TMEM178A: variants seen among roughly 807,000 people sequenced by gnomAD.
The protein encoded by TMEM178A is transmembrane protein 178.
A neutral mutation model predicts 29.1 loss-of-function variants in TMEM178A; 12 were observed. The observed-to-expected ratio is 0.41, with a 90% CI of 0.26 to 0.67. TMEM178A has a LOEUF of 0.67. TMEM178A is among the 30% of genes least tolerant of loss of function. The pLI is 0.29. For synonymous variants in TMEM178A, 210 were observed against 187.2 expected (o/e 1.12, Z -0.99); for missense variants, 366 against 419.1 (o/e 0.87, Z 1.11).
At chr2:39,671,960 G>A (rs1670426016) in intron 1 of TMEM178A, among the ~76,000 whole-genome samples, 1 of 152,142 alleles carries the variant, frequency 6.6e-6, no homozygotes, top group Admixed American at 6.5e-5. Context: ...TTTTATTTCT[G>A]TACCAATTCT....
chr2:39,718,776 G>A (rs1209953422), downstream of TMEM178A, among the ~76,000 whole-genome samples: 1 of 152,000 alleles, frequency 6.6e-6, no homozygotes, highest in Admixed American at 6.6e-5. Flanking sequence ...CGGAGGGTGG[G>A]GCACTCGCCG....
the TMEM178A span, among the ~76,000 whole-genome samples, chr2:39,734,335 C>G: frequency 3.9e-5 from 6 of 152,216 alleles, no homozygotes; most frequent in Admixed American, 6.5e-5. Flanking sequence ...GTCTTCCAGG[C>G]AACCACACTA....
chr2:39,704,109 G>A lies in TMEM178A; in HGVS notation c.429G>A (p.Lys143=), dbSNP rs1671921767. ...KGIAQRCTAI[K]YHFSQPIRLR... Reference sequence around the variant, plus strand: ...TTGCGCAGCGATGCACGGCCATCAAGTACCACTTTTCTCAGCCCATCCGCT... The same window carrying A: ...TTGCGCAGCGATGCACGGCCATCAAATACCACTTTTCTCAGCCCATCCGCT... The change falls in exon 2 of 4, where the codon AAG becomes AAA. Residue 143 remains lysine, a synonymous_variant. Coordinates refer to ENST00000281961, the MANE Select transcript of TMEM178A (RefSeq NM_152390.3). 1 of 1,614,100 alleles carries A rather than the reference G, an allele frequency of 6.2e-7. No individual in the cohort carries two copies. Among genetic ancestry groups the A allele is most frequent in the African/African-American group, 1.3e-5 (1 of 75,022 alleles).
chr2:39,704,260 CT>C (rs1275314625), intron 2 of TMEM178A, 66 bp downstream of exon 2: 2 of 1,322,498 alleles, frequency 1.5e-6, no homozygotes, highest in African/African-American at 2.9e-5. Flanking sequence ...CCCACCACCC[CT>C]CTCACATCTG....
chr2:39,676,986 T>C (rs1339082433), intron 1 of TMEM178A, among the ~76,000 whole-genome samples: 1 of 152,240 alleles, frequency 6.6e-6, no homozygotes, highest in Non-Finnish European at 1.5e-5. Context: ...GGAGGCTTAT[T>C]TATAATTGCA....
intron 1 of TMEM178A, among the ~76,000 whole-genome samples, chr2:39,678,236 C>T: frequency 6.6e-6 from 1 of 151,826 alleles, no homozygotes; most frequent in East Asian, 1.9e-4. Flanking sequence ...AGGTATATAC[C>T]CCCAAAAGTT....
intron 1 of TMEM178A, among the ~76,000 whole-genome samples, chr2:39,675,329 C>T (rs1429589156): frequency 6.6e-6 from 1 of 152,158 alleles, no homozygotes; most frequent in Non-Finnish European, 1.5e-5. Flanking sequence ...GTATAAATAA[C>T]TCATTACCTA....
chr2:39,703,935 T>G, intron 1 of TMEM178A, 146 bp from the exon 2 acceptor site: 1 of 616,996 alleles, frequency 1.6e-6, no homozygotes, highest in Non-Finnish European at 2.8e-6. Context: ...CATTATTTTA[T>G]GTTTTAGGTT....
intron 1 of TMEM178A, among the ~76,000 whole-genome samples, chr2:39,690,681 GA>G (rs1475512982): frequency 6.6e-6 from 1 of 152,198 alleles, no homozygotes; most frequent in Non-Finnish European, 1.5e-5. Flanking sequence ...CAAGGAAAAT[GA>G]AGAATCAAGG....
At chr2:39,715,077 G>T (rs1308700121) in intron 3 of TMEM178A, among the ~76,000 whole-genome samples, 1 of 152,158 alleles carries the variant, frequency 6.6e-6, no homozygotes, top group Non-Finnish European at 1.5e-5. Flanking sequence ...GTTTAGTAGA[G>T]CTGGAAACTA....
chr2:39,733,423 C>T, the TMEM178A span, among the ~76,000 whole-genome samples: 33 of 152,254 alleles, frequency 2.2e-4, no homozygotes, highest in East Asian at 2.9e-3. Flanking sequence ...GAACAAGGTG[C>T]GGAATAAGGC....
chr2:39,722,853 G>C (rs928520722), downstream of TMEM178A, among the ~76,000 whole-genome samples: 1 of 152,216 alleles, frequency 6.6e-6, no homozygotes, highest in African/African-American at 2.4e-5. Flanking sequence ...ACTGCCTTGA[G>C]TGTGGGTGTG....
rs116753690 is a variant in TMEM178A, at chr2:39,703,521, C to T, written c.401-560C>T. 3.8e-3 allele frequency among the ~76,000 whole-genome samples: 581 copies of T among 151,998 alleles called. 4 individuals are homozygous for T. Among genetic ancestry groups the T allele is most frequent in the African/African-American group, 0.013 (531 of 41,486 alleles). On this transcript the variant is annotated intron_variant, in intron 1 of 3. Coordinates refer to ENST00000281961, the MANE Select transcript of TMEM178A (RefSeq NM_152390.3). Reference sequence around the variant, plus strand: ...TACTTCTAGTATTACCCTTTTTTCTCGAGATCTAGAATTCAGGTCAGTATA... The same window carrying T: ...TACTTCTAGTATTACCCTTTTTTCTTGAGATCTAGAATTCAGGTCAGTATA...
intron 3 of TMEM178A, among the ~76,000 whole-genome samples, chr2:39,707,470 T>G (rs1177774380): frequency 2.0e-5 from 3 of 152,070 alleles, no homozygotes; most frequent in African/African-American, 7.2e-5. Context: ...TGTACTTTCT[T>G]TTTTCTTTTT....
intron 1 of TMEM178A, among the ~76,000 whole-genome samples, chr2:39,693,315 A>G (rs1671402881): frequency 6.6e-6 from 1 of 152,158 alleles, no homozygotes; most frequent in Admixed American, 6.5e-5. Context: ...GACTATATTG[A>G]TCTTTCTGAG....
chr2:39,686,590 A>G (rs1234411095), intron 1 of TMEM178A, among the ~76,000 whole-genome samples: 1 of 150,190 alleles, frequency 6.7e-6, no homozygotes, highest in Non-Finnish European at 1.5e-5. Context: ...AGGAATGCTG[A>G]TGTGCTGCAG....
intron 1 of TMEM178A, among the ~76,000 whole-genome samples, chr2:39,682,399 T>C (rs1670905032): frequency 6.6e-6 from 1 of 152,062 alleles, no homozygotes. Flanking sequence ...TTTTTAAATA[T>C]TGTGCTTGTT....
At chr2:39,718,852 A>T (rs1672644058), downstream of TMEM178A, among the ~76,000 whole-genome samples, 1 of 152,246 alleles carries the variant, frequency 6.6e-6, no homozygotes, top group Non-Finnish European at 1.5e-5. Context: ...TAGGATAAAG[A>T]CAGCTTGTAA....
At chr2:39,708,443 G>T (rs1672141554) in intron 3 of TMEM178A, among the ~76,000 whole-genome samples, 1 of 130,156 alleles carries the variant, frequency 7.7e-6, no homozygotes, top group Non-Finnish European at 1.6e-5. Flanking sequence ...TTTTGAGACG[G>T]AGTTTCGCTC....
Sources: gnomAD v4.1 joint callset for allele counts (sites outside exome capture counted in the v4.1 genomes callset) on GRCh38, gnomAD v4.1.1 for gene constraint, MANE v1.5 for transcripts, NCBI Gene and HGNC (gene_info 2026-07-23, HGNC 2026-07-21) for gene names.